The following MPDZ variants were observed in gnomAD, a reference collection of about 807,000 sequenced individuals.
The protein encoded by MPDZ is multiple PDZ domain crumbs cell polarity complex component.
Under a neutral mutation model 239.1 loss-of-function variants are expected in MPDZ, and 234 were observed. The ratio of observed to expected loss-of-function variants is 0.98; its 90% CI spans 0.88 to 1.09. The LOEUF is 1.09. Ranked by LOEUF, MPDZ falls within the 50% of genes least tolerant of loss-of-function variation. MPDZ has a pLI of 0.00. For missense variants in MPDZ, 3,175 were observed against 2,510.0 expected, an observed-to-expected ratio of 1.26 and a Z score of -5.66; for synonymous variants, 1,048 against 881.3, an observed-to-expected ratio of 1.19 and a Z score of -3.35.
In MPDZ at chr9:13,261,487, C is replaced by T. The variant is rs183792504; in HGVS notation, c.-57-11115G>A. 4.5e-3 allele frequency among the ~76,000 whole-genome samples: 679 copies of T among 151,896 alleles called. 16 individuals are homozygous for T. Among genetic ancestry groups the T allele is most frequent in the Admixed American group, 0.038 (576 of 15,274 alleles). On this transcript the variant is annotated intron_variant, in intron 1 of 46. Coordinates refer to ENST00000319217, the MANE Select transcript of MPDZ (RefSeq NM_001378778.1). ...AAACCCTCTCAAATACCCTTGCTTA[C>T]GAAATACCCTTGTTCCTTTATTTCA... is the stretch of plus-strand genomic sequence containing the variant.
At chr9:13,146,654 G>A (rs2132792435) in intron 26 of MPDZ, among the ~76,000 whole-genome samples, 1 of 152,006 alleles carries the variant, frequency 6.6e-6, no homozygotes, top group Non-Finnish European at 1.5e-5. Context: ...GGACATCTAG[G>A]AAATGGTATG....
intron 12 of MPDZ, among the ~76,000 whole-genome samples, chr9:13,197,394 G>C (rs2135326363): frequency 6.6e-6 from 1 of 152,016 alleles, no homozygotes; most frequent in East Asian, 1.9e-4. Context: ...CGAGTAGCTG[G>C]GATTACACCA....
chr9:13,191,974 A>T (rs1444270909), intron 15 of MPDZ, among the ~76,000 whole-genome samples, 157 bp downstream of exon 15: 1 of 152,164 alleles, frequency 6.6e-6, no homozygotes, highest in Non-Finnish European at 1.5e-5. Flanking sequence ...GTCAAGTCTG[A>T]TTCAAACCCA....
intron 18 of MPDZ, among the ~76,000 whole-genome samples, chr9:13,185,652 C>A (rs2134644482): frequency 6.6e-6 from 1 of 151,992 alleles, no homozygotes; most frequent in Admixed American, 6.6e-5. Flanking sequence ...AGCATTGTAC[C>A]CTCTACAAGA....
intron 10 of MPDZ, among the ~76,000 whole-genome samples, chr9:13,214,745 A>G (rs1014025506): frequency 2.2e-4 from 33 of 152,036 alleles, no homozygotes; most frequent in African/African-American, 7.2e-4. Flanking sequence ...CAAAACAAAA[A>G]CATGTACAGT....
At chr9:13,131,367 C>T (rs1219397627) in intron 32 of MPDZ, among the ~76,000 whole-genome samples, 2 of 152,130 alleles carry the variant, frequency 1.3e-5, no homozygotes, top group Admixed American at 1.3e-4. Context: ...GTGGTAAGCA[C>T]TTTGTATAAA....
rs562415433 is a variant in MPDZ, at chr9:13,207,756, T to C, written c.1291-1657A>G. Among the ~76,000 whole-genome samples the C allele has an allele frequency of 2.6e-5, 4 of 152,320 alleles. No homozygotes were observed. The East Asian group carries it at 7.7e-4, about 29-fold the overall frequency. On this transcript the variant is annotated intron_variant, in intron 10 of 46. Transcript: ENST00000319217. ...GGACAGGCTCTGTATCATTTTTCCT[T>C]ATAGTAGTGTCATCAAAACATGGTG...
intron 23 of MPDZ, among the ~76,000 whole-genome samples, chr9:13,160,854 AT>A (rs1563930992): frequency 1.7e-4 from 21 of 124,136 alleles, no homozygotes; most frequent in African/African-American, 6.4e-4. Context: ...ATATATATAT[AT>A]ATATATATAT....
At chr9:13,274,553 C>T (rs561572104) in intron 1 of MPDZ, 1 of 149,372 alleles carries the variant, frequency 6.7e-6, no homozygotes, top group South Asian at 2.1e-4. Context: ...CTTAGCTGGC[C>T]AGATTGGGAA....
At chr9:13,156,313 C>A (rs1949804659) in intron 24 of MPDZ, among the ~76,000 whole-genome samples, 1 of 152,132 alleles carries the variant, frequency 6.6e-6, no homozygotes, top group South Asian at 2.1e-4. Flanking sequence ...TTGCATACTG[C>A]CTTCTGTATT....
intron 10 of MPDZ, among the ~76,000 whole-genome samples, chr9:13,206,361 C>A (rs1345757845): frequency 5.3e-5 from 8 of 151,866 alleles, no homozygotes; most frequent in African/African-American, 1.7e-4. Context: ...GTCACTAGTT[C>A]TAGGGTAGGA....
Position 13,121,937 on chromosome 9 carries a change from A to T in MPDZ, c.5038-5T>A. The T allele has an allele frequency of 6.2e-7, 1 of 1,612,338 alleles. No individual in the cohort carries two copies. The highest frequency in any genetic ancestry group is 8.5e-7 in the Non-Finnish European group (1 of 1,178,914). ...TCTCAAGTCAATTCCATTCACCTGT[A>T]CAGAAATGGGACACTGACTGTAAGG... On this transcript the variant is annotated splice_polypyrimidine_tract_variant and splice_region_variant and intron_variant, in intron 37 of 46. Coordinates refer to ENST00000319217, the MANE Select transcript of MPDZ (RefSeq NM_001378778.1).
chr9:13,113,059 A>G lies in MPDZ; in HGVS notation c.5558-5T>C, dbSNP rs1231847761. 3.8e-6 allele frequency: 6 copies of G among 1,566,848 alleles called. No individual in the cohort carries two copies. Among genetic ancestry groups the G allele is most frequent in the South Asian group, 1.2e-5 (1 of 83,890 alleles). ...ATCCCTGTATTTCAGATGCCACTGTAAAGGCAAAAAAGATAAAATAGGGTT... is the reference window on the plus strand; with the variant it reads ...ATCCCTGTATTTCAGATGCCACTGTGAAGGCAAAAAAGATAAAATAGGGTT... On this transcript the variant is annotated splice_polypyrimidine_tract_variant and splice_region_variant and intron_variant, in intron 41 of 46. Transcript: ENST00000319217.
rs183490565 is a variant in MPDZ at position 13,201,358 on chromosome 9, T to G, written c.1546+3678A>C. Among the ~76,000 whole-genome samples, 34 of 152,162 alleles carry G rather than the reference T, an allele frequency of 2.2e-4. 1 individual carries two copies. The East Asian group carries it at 5.8e-3, about 26-fold the overall frequency. Reference sequence around the variant, plus strand: ...TTTCTCTTGATGCTTTCAGTATTTTTTTTTTTATTTTGCTAGTCTGATTAT... The same window carrying G: ...TTTCTCTTGATGCTTTCAGTATTTTGTTTTTTATTTTGCTAGTCTGATTAT... On this transcript the variant is annotated intron_variant, in intron 12 of 46. Coordinates refer to ENST00000319217, the MANE Select transcript of MPDZ (RefSeq NM_001378778.1).
intron 19 of MPDZ, among the ~76,000 whole-genome samples, chr9:13,180,546 G>GA (rs201698893): frequency 1.1e-4 from 16 of 149,892 alleles, no homozygotes; most frequent in African/African-American, 2.4e-4. Context: ...ATCAAAATAG[G>GA]AAAAAAAAAT....
intron 17 of MPDZ, among the ~76,000 whole-genome samples, chr9:13,187,840 A>G (rs567221604): frequency 2.0e-5 from 3 of 152,314 alleles, no homozygotes; most frequent in East Asian, 1.9e-4. Flanking sequence ...CAATACAATG[A>G]TAAGTGCCAT....
chr9:13,254,061 G>C (rs1365066985), intron 1 of MPDZ, among the ~76,000 whole-genome samples: 1 of 152,168 alleles, frequency 6.6e-6, no homozygotes, highest in Admixed American at 6.5e-5. Context: ...GCTGCCTCTA[G>C]AAAGCAAGAT....
intron 1 of MPDZ, among the ~76,000 whole-genome samples, chr9:13,251,812 A>T (rs1968108089): frequency 6.6e-6 from 1 of 152,154 alleles, no homozygotes; most frequent in Non-Finnish European, 1.5e-5. Context: ...TGAAACATCA[A>T]CTCCATTTCA....
chr9:13,272,309 C>A (rs1443507057), intron 1 of MPDZ, among the ~76,000 whole-genome samples: 1 of 151,994 alleles, frequency 6.6e-6, no homozygotes, highest in East Asian at 1.9e-4. Context: ...GAGCAATAAC[C>A]CAGGCCCCAG....
Sources: allele counts gnomAD v4.1 joint callset (sites outside exome capture counted in the v4.1 genomes callset), GRCh38; gene constraint gnomAD v4.1.1; transcripts MANE v1.5; gene names NCBI Gene and HGNC (gene_info 2026-07-23, HGNC 2026-07-21).